The following DNAH8 variants were observed in gnomAD, a reference collection of about 807,000 sequenced individuals.
DNAH8 encodes the protein axonemal beta dynein heavy chain 8.
In DNAH8, 382 loss-of-function variants were observed where a neutral mutation model predicts 562.1. The ratio of observed to expected loss-of-function variants is 0.68; its 90% confidence interval spans 0.63 to 0.74. DNAH8 has a LOEUF of 0.74. Ranked by LOEUF, DNAH8 falls within the 30% of genes least tolerant of loss-of-function variation. The pLI is 0.00. For missense variants in DNAH8, 5,203 were observed against 5,620.4 expected, an observed-to-expected ratio of 0.93 and a Z score of 2.37; for synonymous variants, 1,881 against 1,919.4, an observed-to-expected ratio of 0.98 and a Z score of 0.52.
At chr6:38,911,619 G>A (rs774415872) in intron 66 of DNAH8, 33 bp downstream of exon 66, 1 of 1,384,378 alleles carries the variant, frequency 7.2e-7, no homozygotes, top group African/African-American at 1.6e-5. Context: ...GGATGGAATA[G>A]AAATAGGGTT....
chr6:38,820,106 G>T (rs2150330889), intron 26 of DNAH8, among the ~76,000 whole-genome samples: 1 of 152,274 alleles, frequency 6.6e-6, no homozygotes, highest in Admixed American at 6.5e-5. Flanking sequence ...GAAGTGAAAA[G>T]AGTTAAAAAT....
intron 3 of DNAH8, among the ~76,000 whole-genome samples, chr6:38,723,910 A>G (rs190274029): frequency 7.9e-5 from 12 of 152,112 alleles, no homozygotes; most frequent in Admixed American, 3.3e-4. Flanking sequence ...AATTTTACTG[A>G]CTAGAGGAGA....
chr6:38,898,154 AG>A, intron 60 of DNAH8, 103 bp from the exon 61 acceptor site: 1 of 1,013,478 alleles, frequency 9.9e-7, no homozygotes, highest in African/African-American at 1.7e-5. Flanking sequence ...GTTTAAAAAA[AG>A]ATATGTATAT....
intron 91 of DNAH8, among the ~76,000 whole-genome samples, chr6:39,021,802 A>T (rs1766933780): frequency 6.6e-6 from 1 of 152,248 alleles, no homozygotes; most frequent in Admixed American, 6.5e-5. Context: ...AAAGAAAAGA[A>T]AATGTTGCTT....
chr6:38,872,026 C>T (rs1346230434), intron 49 of DNAH8, among the ~76,000 whole-genome samples: 4 of 152,200 alleles, frequency 2.6e-5, no homozygotes, highest in Non-Finnish European at 5.9e-5. Context: ...CTGCTTTCCT[C>T]TTCTCTTACT....
chr6:38,747,496 C>T (rs1051519975), intron 8 of DNAH8, among the ~76,000 whole-genome samples: 2 of 151,158 alleles, frequency 1.3e-5, no homozygotes, highest in African/African-American at 2.4e-5. Flanking sequence ...AAGCAATTCT[C>T]CTGCCTCAGC....
At chr6:38,897,668 G>A (rs1334335308) in intron 60 of DNAH8, among the ~76,000 whole-genome samples, 3 of 152,052 alleles carry the variant, frequency 2.0e-5, no homozygotes. Flanking sequence ...TAATACCCGC[G>A]ACTTGGGGGA....
chr6:39,012,180 A>C (rs1158191909), intron 89 of DNAH8, 35 bp from the exon 90 acceptor site: 1 of 1,522,794 alleles, frequency 6.6e-7, no homozygotes, highest in Non-Finnish European at 9.0e-7. Context: ...TCAGATGAGA[A>C]AATCTCCTTT....
chr6:38,739,364 TA>T (rs1488512001), intron 7 of DNAH8, among the ~76,000 whole-genome samples: 3 of 152,238 alleles, frequency 2.0e-5, no homozygotes, highest in African/African-American at 7.2e-5. Context: ...TTTTGTATTT[TA>T]CTTATTAAAT....
At chr6:38,918,444 G>A (rs920381605) in intron 70 of DNAH8, among the ~76,000 whole-genome samples, 2 of 152,194 alleles carry the variant, frequency 1.3e-5, no homozygotes, top group African/African-American at 2.4e-5. Flanking sequence ...GAAGTTTGGA[G>A]ATTAGGTTTG....
chr6:38,891,441 A>G (rs1255168079), intron 58 of DNAH8, among the ~76,000 whole-genome samples: 1 of 152,252 alleles, frequency 6.6e-6, no homozygotes, highest in Non-Finnish European at 1.5e-5. Context: ...CATTAGGCCA[A>G]TTATACACAT....
intron 8 of DNAH8, among the ~76,000 whole-genome samples, chr6:38,747,021 AT>A (rs1197387893): frequency 6.6e-6 from 1 of 152,176 alleles, no homozygotes; most frequent in Non-Finnish European, 1.5e-5. Flanking sequence ...TTATTTCTTT[AT>A]ACTTTATTCT....
At chr6:38,747,022 T>A (rs973971543) in intron 8 of DNAH8, among the ~76,000 whole-genome samples, 9 of 152,180 alleles carry the variant, frequency 5.9e-5, no homozygotes, top group African/African-American at 2.2e-4. Context: ...TATTTCTTTA[T>A]ACTTTATTCT....
At position 38,722,886 on chromosome 6, in the gene DNAH8, C is replaced by T. The variant is rs1762877173; in HGVS notation, c.77C>T (p.Pro26Leu). Residue 26 changes from proline (P) to leucine (L), a missense_variant, in exon 2 of 93, where the codon CCC becomes CTC. This residue lies in a region of DNAH8 where 556 missense variants were observed against 496.9 expected (regional missense o/e 1.12). Coordinates refer to ENST00000327475, the MANE Select transcript of DNAH8 (RefSeq NM_001206927.2). ...CCCTCTACGGAAGAGGCTGCCCCTC[C>T]CCGTTCAGAAGAGGAAGAGGCCCCG... ...APPSTEEAAPPRSEEEEAPRP... is the reference protein window; with the variant it reads ...APPSTEEAAPLRSEEEEAPRP... 1 of 1,612,096 alleles carries T rather than the reference C, an allele frequency of 6.2e-7. No homozygotes were observed.
chr6:38,901,253 G>T (rs1307572924), intron 62 of DNAH8, among the ~76,000 whole-genome samples: 3 of 150,948 alleles, frequency 2.0e-5, no homozygotes, highest in African/African-American at 4.9e-5. Context: ...TAAAATCTTT[G>T]TTTACCCTAA....
intron 22 of DNAH8, among the ~76,000 whole-genome samples, chr6:38,803,599 AT>A (rs60557580): frequency 0.027 from 3,704 of 139,118 alleles, 127 homozygotes; most frequent in African/African-American, 0.085. Context: ...TGCTAACTCT[AT>A]TTTTTTTTTT....
chr6:38,798,428 A>G (rs1269435201), intron 21 of DNAH8, among the ~76,000 whole-genome samples: 2 of 152,210 alleles, frequency 1.3e-5, no homozygotes, highest in East Asian at 3.9e-4. Context: ...TTAGTCCTCA[A>G]GGAGTAGCGA....
At position 38,805,269 on chromosome 6, in the gene DNAH8, C is replaced by T. The variant is rs535440611; in HGVS notation, c.3035-212C>T. ...GATTGTATATTTACAGAGTGTATTTCTTAGTAGAATGACAATTCTATTGAG... is the reference window on the plus strand; with the variant it reads ...GATTGTATATTTACAGAGTGTATTTTTTAGTAGAATGACAATTCTATTGAG... On this transcript the variant is annotated intron_variant, in intron 22 of 92. Transcript: ENST00000327475. Among the ~76,000 whole-genome samples the T allele has an allele frequency of 2.5e-3, 373 of 152,182 alleles. 4 individuals carry two copies. The highest frequency in any genetic ancestry group is 8.7e-3 in the African/African-American group (360 of 41,526).
intron 14 of DNAH8, among the ~76,000 whole-genome samples, chr6:38,779,311 A>T (rs1768359545): frequency 6.6e-6 from 1 of 152,180 alleles, no homozygotes; most frequent in Non-Finnish European, 1.5e-5. Context: ...TTGACATGTG[A>T]CAGTACTGCA....
Sources: allele counts gnomAD v4.1 joint callset (sites outside exome capture counted in the v4.1 genomes callset), GRCh38; gene constraint gnomAD v4.1.1; regional missense constraint gnomAD v4.1.1; transcripts MANE v1.5; gene names NCBI Gene and HGNC (gene_info 2026-07-23, HGNC 2026-07-21).